UBR3: variants seen among roughly 807,000 people sequenced by gnomAD.
UBR3 encodes E3 ubiquitin-protein ligase UBR3.
In UBR3, 85 loss-of-function variants were observed where a neutral mutation model predicts 243.2. The ratio of observed to expected loss-of-function variants is 0.35; its 90% confidence interval spans 0.29 to 0.42. The LOEUF (loss-of-function observed/expected upper bound fraction) is 0.42, where lower values mean the gene tolerates loss of function less well. Among genes scored for constraint, UBR3 ranks in the 10% least tolerant of loss-of-function variants. The probability of loss-of-function intolerance (pLI) is 1.00; values close to 1 mark genes in which losing one functional copy is unlikely to be tolerated. For synonymous variants in UBR3, 748 were observed against 799.8 expected (o/e 0.94, Z 1.09); for missense variants, 1,686 against 2,300.8 (o/e 0.73, Z 5.47).
intron 24 of UBR3, among the ~76,000 whole-genome samples, chr2:169,959,653 C>T (rs1413564321): frequency 6.6e-6 from 1 of 151,942 alleles, no homozygotes; most frequent in East Asian, 1.9e-4. Context: ...AGATGACATC[C>T]CATGATCAGC....
At chr2:169,937,501 C>G (rs201380069) in intron 19 of UBR3, among the ~76,000 whole-genome samples, 1 of 152,170 alleles carries the variant, frequency 6.6e-6, no homozygotes, top group South Asian at 2.1e-4. Context: ...TGCAGAAACT[C>G]TTTAGTTTGA....
intron 29 of UBR3, among the ~76,000 whole-genome samples, chr2:170,009,947 T>C (rs1042040163): frequency 1.3e-5 from 2 of 152,136 alleles, no homozygotes; most frequent in African/African-American, 4.8e-5. Context: ...GAACTATACA[T>C]AGCCTTTGGA....
At chr2:169,980,489 A>C (rs1399826171) in intron 24 of UBR3, among the ~76,000 whole-genome samples, 2 of 152,084 alleles carry the variant, frequency 1.3e-5, no homozygotes, top group Non-Finnish European at 2.9e-5. Flanking sequence ...ACTATATAAA[A>C]TATTTGGCAT....
intron 1 of UBR3, among the ~76,000 whole-genome samples, chr2:169,860,469 T>C (rs1188916841): frequency 6.6e-6 from 1 of 152,222 alleles, no homozygotes; most frequent in East Asian, 1.9e-4. Flanking sequence ...CCATTTATTT[T>C]GAGGTTTCGC....
At chr2:169,876,628 G>A (rs1242298503) in intron 3 of UBR3, among the ~76,000 whole-genome samples, 2 of 151,920 alleles carry the variant, frequency 1.3e-5, no homozygotes, top group East Asian at 3.9e-4. Context: ...CGTGATCTCA[G>A]CCCACTGCAA....
At chr2:169,913,677 TCGC>T (rs1482415178) in intron 10 of UBR3, among the ~76,000 whole-genome samples, 1 of 152,190 alleles carries the variant, frequency 6.6e-6, no homozygotes, top group Non-Finnish European at 1.5e-5. Flanking sequence ...TGTACAACTG[TCGC>T]TACTATCCAT....
Position 169,932,945 on chromosome 2 carries a change from T to C in UBR3, c.2600T>C (p.Met867Thr), listed in dbSNP as rs1265718305. Residue 867 changes from methionine (M) to threonine (T), a missense_variant, in exon 19 of 39, where the codon ATG becomes ACG. Physicochemically the swap from Met to Thr is moderately conservative, Grantham distance 81. Transcript: ENST00000272793. ...TGGGATCAAGAGTTTGACCCCGTCA[T>C]GGTCATTCTTCGAACAGTTTACCGT... ...EVWDQEFDPVMVILRTVYRRD... is the reference protein window; with the variant it reads ...EVWDQEFDPVTVILRTVYRRD... 3.4e-5 allele frequency: 52 copies of C among 1,542,586 alleles called. No homozygotes were observed. The highest frequency in any genetic ancestry group is 4.3e-5 in the Non-Finnish European group (49 of 1,144,754).
chr2:170,023,456 C>T (rs2090445380), intron 30 of UBR3, among the ~76,000 whole-genome samples: 1 of 151,690 alleles, frequency 6.6e-6, no homozygotes, highest in African/African-American at 2.4e-5. Flanking sequence ...GTTGCCCAGG[C>T]TGGAGTGCAG....
At chr2:170,035,735 C>T (rs1158333570) in intron 31 of UBR3, among the ~76,000 whole-genome samples, 1 of 151,906 alleles carries the variant, frequency 6.6e-6, no homozygotes, top group Non-Finnish European at 1.5e-5. Flanking sequence ...CATTGAATCT[C>T]TAGGTCAAGT....
intron 31 of UBR3, among the ~76,000 whole-genome samples, chr2:170,034,879 A>G (rs548058915): frequency 6.6e-6 from 1 of 152,110 alleles, no homozygotes; most frequent in Non-Finnish European, 1.5e-5. Context: ...ATAGGAATGT[A>G]GTGGTATCTC....
chr2:169,997,437 A>G (rs993668273), intron 26 of UBR3, among the ~76,000 whole-genome samples: 13 of 152,048 alleles, frequency 8.5e-5, no homozygotes, highest in African/African-American at 3.1e-4. Context: ...ACCAGCAACC[A>G]CAGAGCCCCA....
chr2:170,070,387 A>G (rs911703802), intron 35 of UBR3, among the ~76,000 whole-genome samples: 10 of 152,180 alleles, frequency 6.6e-5, no homozygotes, highest in African/African-American at 1.7e-4. Context: ...ACTATTAGCT[A>G]ACATCATGCT....
chr2:169,941,943 T>C (rs982668873), intron 19 of UBR3, among the ~76,000 whole-genome samples: 1 of 152,210 alleles, frequency 6.6e-6, no homozygotes, highest in Non-Finnish European at 1.5e-5. Context: ...GGATATCAGT[T>C]CTATCTCTGA....
intron 8 of UBR3, among the ~76,000 whole-genome samples, chr2:169,903,294 A>G (rs2084898848): frequency 6.6e-6 from 1 of 152,172 alleles, no homozygotes. Flanking sequence ...GATTAATTAT[A>G]TTCTGCTTAT....
chr2:169,842,704 C>G (rs1005433279), intron 1 of UBR3, among the ~76,000 whole-genome samples: 3 of 152,110 alleles, frequency 2.0e-5, no homozygotes, highest in Non-Finnish European at 4.4e-5. Context: ...AGCGAGACCA[C>G]GAACCCACCA....
At chr2:169,970,230 C>G (rs2088048266) in intron 24 of UBR3, among the ~76,000 whole-genome samples, 1 of 116,624 alleles carries the variant, frequency 8.6e-6, no homozygotes, top group South Asian at 2.8e-4. Flanking sequence ...TAAACTTGTT[C>G]CTAGGTTTTT....
Position 170,049,973 on chromosome 2 carries a change from T to C in UBR3, c.4661-5487T>C, listed in dbSNP as rs866086974. 3.3e-5 allele frequency among the ~76,000 whole-genome samples: 5 copies of C among 152,356 alleles called. No individual in the cohort carries two copies. The South Asian group carries it at 1.0e-3, about 32-fold the overall frequency. ...AAGCTATTACTTTCATTTGAATCTT[T>C]AACACTTATATTGTGATCACTTCTA... is the stretch of plus-strand genomic sequence containing the variant. On this transcript the variant is annotated intron_variant, in intron 32 of 38. Coordinates refer to ENST00000272793, the MANE Select transcript of UBR3 (RefSeq NM_172070.4).
At position 169,894,890 on chromosome 2, in the gene UBR3, G is replaced by A. The variant is rs182795737; in HGVS notation, c.1106-291G>A. 3.3e-5 allele frequency among the ~76,000 whole-genome samples: 5 copies of A among 152,256 alleles called. No homozygotes were observed. In the East Asian group the frequency reaches 5.8e-4, roughly 18 times the overall value. ...TTGACACTTCTTGTATCCTCTTGAT[G>A]TCTTTGTGGATAATGCTTTCTTCCA... On this transcript the variant is annotated intron_variant, in intron 6 of 38. Transcript: ENST00000272793.
Position 170,080,751 on chromosome 2 carries a change from T to G in UBR3, c.5549+67T>G, listed in dbSNP as rs2091892109. On this transcript the variant is annotated intron_variant, in intron 38 of 38. Coordinates refer to ENST00000272793, the MANE Select transcript of UBR3 (RefSeq NM_172070.4). ...TGGTCAGTGAAAACCAATATGCTAT[T>G]CCTGGCTTTGTAATTACAATTTTTT... is the stretch of plus-strand genomic sequence containing the variant. 3.4e-6 allele frequency: 5 copies of G among 1,491,032 alleles called. No homozygotes were observed. The East Asian group carries it at 1.1e-4, about 34-fold the overall frequency. 92.4% of individuals were successfully genotyped at this position (1,491,032 alleles called of 1,614,324 possible).
Sources: gnomAD v4.1 joint callset for allele counts (sites outside exome capture counted in the v4.1 genomes callset) on GRCh38, gnomAD v4.1.1 for gene constraint, MANE v1.5 for transcripts, NCBI Gene and HGNC (gene_info 2026-07-23, HGNC 2026-07-21) for gene names.